WT1: variants seen among roughly 807,000 people sequenced by gnomAD.
The protein encoded by WT1 is WT1 transcription factor, also known as Wilms tumor protein.
A neutral mutation model predicts 60.8 loss-of-function variants in WT1; 8 were observed. The ratio of observed to expected loss-of-function variants is 0.13; its 90% CI spans 0.08 to 0.24. The LOEUF (loss-of-function observed/expected upper bound fraction) is 0.24, where lower values mean the gene tolerates loss of function less well. Among genes scored for constraint, WT1 ranks in the 10% least tolerant of loss-of-function variants. The pLI is 1.00. For synonymous variants in WT1, 312 were observed against 297.1 expected, an observed-to-expected ratio of 1.05 and a Z score of -0.52; for missense variants, 568 against 711.8, an observed-to-expected ratio of 0.80 and a Z score of 2.30.
intron 1 of WT1, 192 bp from the exon 2 acceptor site, chr11:32,428,811 T>C (rs1324216625): frequency 1.3e-6 from 1 of 791,788 alleles, no homozygotes; most frequent in Non-Finnish European, 2.1e-6. Context: ...GATGTGACCT[T>C]GGGACAGGCT....
intron 7 of WT1, among the ~76,000 whole-genome samples, chr11:32,393,067 T>C (rs1851864747): frequency 6.6e-6 from 1 of 151,630 alleles, no homozygotes; most frequent in Non-Finnish European, 1.5e-5. Context: ...GACCTTCACA[T>C]AAAGGGCTCA....
intron 5 of WT1, 113 bp downstream of exon 5, chr11:32,416,377 T>G (rs1268537493): frequency 1.5e-6 from 2 of 1,324,446 alleles, no homozygotes; most frequent in African/African-American, 2.9e-5. Context: ...ATTCTTCCCA[T>G]CCACCAAATG....
chr11:32,392,877 T>C (rs1851858290), intron 7 of WT1, 122 bp from the exon 8 acceptor site: 1 of 836,454 alleles, frequency 1.2e-6, no homozygotes, highest in Admixed American at 2.0e-5. Flanking sequence ...CTGGAGCTTG[T>C]TAGGGTAGGA....
intron 5 of WT1, among the ~76,000 whole-genome samples, chr11:32,413,728 T>C (rs574949944): frequency 6.6e-6 from 1 of 152,270 alleles, no homozygotes; most frequent in Admixed American, 6.5e-5. Flanking sequence ...AAAATCTATG[T>C]TGTGTGTGTG....
intron 2 of WT1, 76 bp downstream of exon 2, chr11:32,428,417 TGTGG>T: frequency 1.1e-5 from 18 of 1,606,066 alleles, no homozygotes; most frequent in Non-Finnish European, 1.5e-5. Context: ...CCTAATTTGC[TGTGG>T]GTTAGGAATT....
intron 3 of WT1, among the ~76,000 whole-genome samples, chr11:32,424,723 G>T (rs1283075631): frequency 6.6e-6 from 1 of 152,178 alleles, no homozygotes; most frequent in Non-Finnish European, 1.5e-5. Flanking sequence ...CAACTCCTCA[G>T]AACTGTCACC....
At chr11:32,429,895 A>G (rs1853212681) in intron 1 of WT1, among the ~76,000 whole-genome samples, 1 of 151,012 alleles carries the variant, frequency 6.6e-6, no homozygotes, top group Non-Finnish European at 1.5e-5. Flanking sequence ...GACTCAGCCG[A>G]TGAGCAGGAC....
intron 1 of WT1, chr11:32,430,702 C>A: frequency 7.0e-7 from 1 of 1,424,512 alleles, no homozygotes; most frequent in Non-Finnish European, 9.2e-7. Context: ...ATGCCCGTGG[C>A]CCGCGAGCCC....
intron 1 of WT1, chr11:32,429,104 C>A: frequency 3.7e-6 from 1 of 272,356 alleles, no homozygotes; most frequent in Non-Finnish European, 7.2e-6. Context: ...TTACTCGGAG[C>A]CAGTTAAATG....
chr11:32,434,246 C>G (rs1232106671), intron 1 of WT1, among the ~76,000 whole-genome samples: 1 of 152,234 alleles, frequency 6.6e-6, no homozygotes, highest in Non-Finnish European at 1.5e-5. Flanking sequence ...GGCAGCACAG[C>G]ACAGGCGCTC....
chr11:32,392,878 T>C, intron 7 of WT1, 123 bp from the exon 8 acceptor site: 1 of 808,190 alleles, frequency 1.2e-6, no homozygotes, highest in Non-Finnish European at 2.1e-6. Flanking sequence ...TGGAGCTTGT[T>C]AGGGTAGGAT....
intron 3 of WT1, among the ~76,000 whole-genome samples, chr11:32,418,479 T>A (rs1474341403): frequency 6.6e-6 from 1 of 152,176 alleles, no homozygotes; most frequent in African/African-American, 2.4e-5. Context: ...AATGGTTAAT[T>A]ATGAAATTTG....
chr11:32,423,693 G>A (rs577973015), intron 3 of WT1, among the ~76,000 whole-genome samples: 68 of 152,330 alleles, frequency 4.5e-4, no homozygotes, highest in African/African-American at 1.6e-3. Context: ...TCACACTGGG[G>A]AAATTTACTT....
intron 5 of WT1, chr11:32,400,516 C>T (rs936366210): frequency 6.7e-6 from 2 of 296,600 alleles, no homozygotes; most frequent in African/African-American, 4.3e-5. Context: ...GTCATGTCCT[C>T]AGAAGTGGGG....
At chr11:32,418,483 A>C (rs1852751833) in intron 3 of WT1, among the ~76,000 whole-genome samples, 1 of 152,228 alleles carries the variant, frequency 6.6e-6, no homozygotes, top group Non-Finnish European at 1.5e-5. Flanking sequence ...GTTAATTATG[A>C]AATTTGAGAC....
At chr11:32,426,515 A>G (rs1300379075) in intron 3 of WT1, among the ~76,000 whole-genome samples, 2 of 152,208 alleles carry the variant, frequency 1.3e-5, no homozygotes, top group Non-Finnish European at 2.9e-5. Context: ...TTGGGGCAGC[A>G]TGCCGCGCCT....
At chr11:32,390,208 C>T (rs887772898) in intron 9 of WT1, among the ~76,000 whole-genome samples, 8 of 152,194 alleles carry the variant, frequency 5.3e-5, no homozygotes, top group African/African-American at 1.9e-4. Flanking sequence ...TGCCACCTGA[C>T]GGATCTTCTC....
At chr11:32,423,825 A>G (rs1220543317) in intron 3 of WT1, among the ~76,000 whole-genome samples, 1 of 152,240 alleles carries the variant, frequency 6.6e-6, no homozygotes, top group African/African-American at 2.4e-5. Context: ...TACCTGGTGC[A>G]TGTTAAGTCT....
In WT1 at chr11:32,388,898, A is replaced by T; in HGVS notation, c.*160T>A. 7.5e-7 allele frequency: 1 copy of T among 1,333,136 alleles called. No homozygotes were observed. Among genetic ancestry groups the T allele is most frequent in the East Asian group, 2.5e-5 (1 of 40,104 alleles). 82.6% of individuals were successfully genotyped at this position (1,333,136 alleles called of 1,614,324 possible). A position where few individuals can be genotyped will look rare whatever the true frequency, so the allele number is the denominator to read the frequency against. On this transcript the variant is annotated 3_prime_UTR_variant, in exon 10 of 10. Coordinates refer to ENST00000452863, the MANE Select transcript of WT1 (RefSeq NM_024426.6). ...GGCAGAGACCAACTCTTCCAGGCAC[A>T]CCTGGTAGTTTCCAGAAGCACCGGT...
Sources: gnomAD v4.1 joint callset for allele counts (sites outside exome capture counted in the v4.1 genomes callset) on GRCh38, gnomAD v4.1.1 for gene constraint, MANE v1.5 for transcripts, NCBI Gene and HGNC (gene_info 2026-07-23, HGNC 2026-07-21) for gene names.